Variants in NTNG2 observed in about 807,000 individuals in gnomAD.
NTNG2 encodes netrin-G2.
In NTNG2, 15 loss-of-function variants were observed where a neutral mutation model predicts 47.6. That is an observed-to-expected ratio of 0.32 (90% CI 0.21 to 0.49). NTNG2 has a LOEUF of 0.49. NTNG2 is among the 20% of genes least tolerant of loss of function. The pLI is 0.99. For synonymous variants in NTNG2, 307 were observed against 324.6 expected, an observed-to-expected ratio of 0.95 and a Z score of 0.58; for missense variants, 578 against 764.6, an observed-to-expected ratio of 0.76 and a Z score of 2.88.
In NTNG2 at chr9:132,221,866, T is replaced by G. The variant is rs552373787; in HGVS notation, c.858-4983T>G. Among the ~76,000 whole-genome samples the G allele has an allele frequency of 7.9e-5, 12 of 152,340 alleles. No individual in the cohort carries two copies. The highest frequency in any genetic ancestry group is 2.9e-4 in the African/African-American group (12 of 41,566). On this transcript the variant is annotated intron_variant, in intron 3 of 7. Transcript: ENST00000393229. The surrounding 1 kb of genome is among the most constrained non-coding windows in gnomAD (Gnocchi z 4.2). ...TGCTTCTTGGATTCGGCCGGTCTTC[T>G]ATGCATCTTTACTAAGCCAAGGTCA...
intron 3 of NTNG2, among the ~76,000 whole-genome samples, chr9:132,210,404 G>A (rs1434125093): frequency 1.3e-5 from 2 of 152,202 alleles, no homozygotes; most frequent in South Asian, 2.1e-4. Flanking sequence ...TCCGTCACTC[G>A]CCTGGGGCTG....
rs182712769 is a variant in NTNG2 at position 132,209,004 on chromosome 9, C to T, written c.857+10395C>T. On this transcript the variant is annotated intron_variant, in intron 3 of 7. Coordinates refer to ENST00000393229, the MANE Select transcript of NTNG2 (RefSeq NM_032536.4). ...CCTCTGAGGCTTATGGCGTGGCCGC[C>T]TGCGTGGCTCGGGCTCCTCACTCCT... Among the ~76,000 whole-genome samples, 910 of 152,326 alleles carry T rather than the reference C, an allele frequency of 6.0e-3. 10 individuals are homozygous for T. Among genetic ancestry groups the T allele is most frequent in the African/African-American group, 0.021 (863 of 41,566 alleles).
intron 2 of NTNG2, among the ~76,000 whole-genome samples, chr9:132,172,426 C>T (rs1835995309): frequency 6.6e-6 from 1 of 152,166 alleles, no homozygotes; most frequent in African/African-American, 2.4e-5. Flanking sequence ...CTTAGTTTCT[C>T]AATGGGAGCT....
intron 3 of NTNG2, among the ~76,000 whole-genome samples, chr9:132,211,065 C>A (rs184567380): frequency 6.6e-6 from 1 of 152,322 alleles, no homozygotes; most frequent in African/African-American, 2.4e-5. Flanking sequence ...GACGCGGACC[C>A]ACAGGGTGAG....
intron 4 of NTNG2, 132 bp downstream of exon 4, chr9:132,227,153 A>C: frequency 2.0e-6 from 2 of 981,848 alleles, no homozygotes; most frequent in Non-Finnish European, 2.9e-6. Flanking sequence ...ATGCATGCAA[A>C]CGTGCACACA....
rs147282769 is a variant in NTNG2 at position 132,193,359 on chromosome 9, A to G, written c.214-4607A>G. On this transcript the variant is annotated intron_variant, in intron 2 of 7. Transcript: ENST00000393229. ...TACACTGTCCCCAATAAGCACATTA[A>G]CAACTCTATGATGGATGATGAGAGA... Among the ~76,000 whole-genome samples the G allele has an allele frequency of 3.3e-4, 50 of 152,304 alleles. No homozygotes were observed. In the East Asian group the frequency reaches 9.1e-3, roughly 28 times the overall value.
chr9:132,166,609 TCAG>T lies in NTNG2; in HGVS notation c.-219_-217del. On this transcript the variant is annotated 5_prime_UTR_variant, in exon 2 of 8. Coordinates refer to ENST00000393229, the MANE Select transcript of NTNG2 (RefSeq NM_032536.4). ...TATGGGCAACTTTCTGATCTGTCCA[TCAG>T]CAGTCTGAGAAACGCTGGCTCTGAA... 1 of 580,816 alleles carries T rather than the reference TCAG, an allele frequency of 1.7e-6. No individual in the cohort carries two copies. The highest frequency in any genetic ancestry group is 3.1e-6 in the Non-Finnish European group (1 of 324,268). 36.0% of individuals were successfully genotyped at this position (580,816 alleles called of 1,614,324 possible).
intron 3 of NTNG2, among the ~76,000 whole-genome samples, chr9:132,213,303 T>C (rs1397998495): frequency 1.5e-5 from 2 of 135,848 alleles, no homozygotes; most frequent in Non-Finnish European, 3.0e-5. Flanking sequence ...GCCTCCAGCC[T>C]GGGCGATGAC....
chr9:132,195,792 C>T (rs1345409584), intron 2 of NTNG2, among the ~76,000 whole-genome samples: 3 of 151,850 alleles, frequency 2.0e-5, no homozygotes, highest in Admixed American at 2.0e-4. Flanking sequence ...CTATGCCCAG[C>T]TAATTTTTAA....
chr9:132,238,992 A>T, intron 5 of NTNG2, 112 bp from the exon 6 acceptor site: 1 of 1,130,822 alleles, frequency 8.8e-7, no homozygotes, highest in South Asian at 1.3e-5. Context: ...CCTTTTCCAA[A>T]GATGCCTTCC....
At chr9:132,201,704 G>A (rs543171622) in intron 3 of NTNG2, among the ~76,000 whole-genome samples, 11 of 152,352 alleles carry the variant, frequency 7.2e-5, no homozygotes, top group Non-Finnish European at 1.3e-4. Context: ...AACGTTTATC[G>A]AGCATTTGCT....
At chr9:132,234,510 A>G (rs891479872) in intron 5 of NTNG2, among the ~76,000 whole-genome samples, 4 of 152,198 alleles carry the variant, frequency 2.6e-5, no homozygotes, top group African/African-American at 9.6e-5. Flanking sequence ...TGGTCCCTGA[A>G]AGATCCTGAA....
intron 3 of NTNG2, among the ~76,000 whole-genome samples, chr9:132,216,304 C>A (rs1274821942): frequency 6.6e-6 from 1 of 152,078 alleles, no homozygotes; most frequent in Non-Finnish European, 1.5e-5. Context: ...AAAAATTAAA[C>A]CCAGAGAAGT....
At chr9:132,223,117 A>G (rs1439317245) in intron 3 of NTNG2, among the ~76,000 whole-genome samples, 1 of 152,088 alleles carries the variant, frequency 6.6e-6, no homozygotes, top group East Asian at 1.9e-4. Context: ...CGGTCTCAAA[A>G]AGCAAAAAGA....
intron 3 of NTNG2, among the ~76,000 whole-genome samples, chr9:132,198,837 G>A (rs1838526809): frequency 6.6e-6 from 1 of 152,008 alleles, no homozygotes; most frequent in African/African-American, 2.4e-5. Flanking sequence ...GGGGTTACCT[G>A]GTATGTGACA....
At chr9:132,228,960 C>T (rs1163125474) in intron 4 of NTNG2, among the ~76,000 whole-genome samples, 1 of 152,150 alleles carries the variant, frequency 6.6e-6, no homozygotes, top group Non-Finnish European at 1.5e-5. Flanking sequence ...GGAGGATCCA[C>T]TGTCCCCACC....
chr9:132,199,639 A>C (rs1838589453), intron 3 of NTNG2, among the ~76,000 whole-genome samples: 1 of 152,214 alleles, frequency 6.6e-6, no homozygotes, highest in African/African-American at 2.4e-5. Context: ...CCAGAGGTCG[A>C]GCTGATACTA....
At chr9:132,230,630 C>A in intron 5 of NTNG2, 35 bp downstream of exon 5, 1 of 1,598,242 alleles carries the variant, frequency 6.3e-7, no homozygotes. Flanking sequence ...GCCAGGGCCC[C>A]CACTGCACGA....
At chr9:132,238,997 C>T (rs1022485539) in intron 5 of NTNG2, 107 bp from the exon 6 acceptor site, 1 of 1,170,324 alleles carries the variant, frequency 8.5e-7, no homozygotes, top group Non-Finnish European at 1.3e-6. Context: ...TCCAAAGATG[C>T]CTTCCTCCGT....
Sources: allele counts gnomAD v4.1 joint callset (sites outside exome capture counted in the v4.1 genomes callset), GRCh38; gene constraint gnomAD v4.1.1; non-coding constraint Gnocchi (gnomAD v3.1); transcripts MANE v1.5; gene names NCBI Gene and HGNC (gene_info 2026-07-23, HGNC 2026-07-21).